Variants in BDP1 observed in about 807,000 individuals in gnomAD.
BDP1 encodes transcription factor TFIIIB component B'' homolog.
BDP1 carries 169 observed loss-of-function variants against 266.6 expected under a neutral mutation model. That is an observed-to-expected ratio of 0.63 (90% CI 0.56 to 0.72). The LOEUF is 0.72. Ranked by LOEUF, BDP1 falls within the 30% of genes least tolerant of loss-of-function variation. BDP1 has a pLI of 0.00. For missense variants in BDP1, 3,015 were observed against 3,053.8 expected, an observed-to-expected ratio of 0.99 and a Z score of 0.30; for synonymous variants, 1,090 against 1,022.4, an observed-to-expected ratio of 1.07 and a Z score of -1.26.
chr5:71,473,981 A>G (rs995433046), intron 7 of BDP1, among the ~76,000 whole-genome samples: 1 of 151,962 alleles, frequency 6.6e-6, no homozygotes, highest in Non-Finnish European at 1.5e-5. Context: ...ATTTAAAGCT[A>G]TACATTTCGT....
At chr5:71,522,981 T>TA in intron 24 of BDP1, 32 bp downstream of exon 24, 1 of 1,526,576 alleles carries the variant, frequency 6.6e-7, no homozygotes. Flanking sequence ...TGTTTCACAA[T>TA]AAGAAATAAA....
intron 3 of BDP1, 55 bp from the exon 4 acceptor site, chr5:71,464,003 T>C (rs1444490821): frequency 2.9e-6 from 3 of 1,027,142 alleles, no homozygotes; most frequent in South Asian, 1.6e-5. Flanking sequence ...ACAGATAGAA[T>C]TGGGAAGATA....
chr5:71,514,849 A>T, intron 19 of BDP1, 95 bp from the exon 20 acceptor site: 1 of 822,582 alleles, frequency 1.2e-6, no homozygotes, highest in Non-Finnish European at 1.9e-6. Flanking sequence ...CTACCCTATT[A>T]TTCTTCACGA....
intron 9 of BDP1, among the ~76,000 whole-genome samples, chr5:71,488,389 AGTACTGGGATTGCAGGT>A (rs1247353912): frequency 1.3e-5 from 2 of 150,630 alleles, no homozygotes; most frequent in Non-Finnish European, 2.9e-5. Flanking sequence ...GGCCTCCCAA[AGTACTGGGATTGCAGGT>A]GTGAGCCACC....
chr5:71,555,854 A>G (rs1489528147), intron 35 of BDP1, among the ~76,000 whole-genome samples: 1 of 152,154 alleles, frequency 6.6e-6, no homozygotes, highest in African/African-American at 2.4e-5. Context: ...TATGTTCTCA[A>G]ATTAATATGA....
At chr5:71,553,822 C>T (rs1344628147) in intron 35 of BDP1, among the ~76,000 whole-genome samples, 4 of 152,206 alleles carry the variant, frequency 2.6e-5, no homozygotes, top group Non-Finnish European at 5.9e-5. Context: ...GCTTCTGCCT[C>T]ACTTTCTGGC....
chr5:71,558,410 C>T lies in BDP1; in HGVS notation c.7240+1485C>T, dbSNP rs931671897. Among the ~76,000 whole-genome samples the T allele has an allele frequency of 1.3e-5, 2 of 151,760 alleles. 1 individual carries two copies. Among genetic ancestry groups the T allele is most frequent in the South Asian group, 4.2e-4 (2 of 4,804 alleles). On this transcript the variant is annotated intron_variant, in intron 36 of 38. Coordinates refer to ENST00000358731, the MANE Select transcript of BDP1 (RefSeq NM_018429.3). ...TGGTGGTGGGCGCCTGTAATCCTAGCTATTTGGGAGGCTGAGGCAGGAGAT... is the reference window on the plus strand; with the variant it reads ...TGGTGGTGGGCGCCTGTAATCCTAGTTATTTGGGAGGCTGAGGCAGGAGAT...
At chr5:71,472,888 C>CTTTTTTTT (rs57109617) in intron 7 of BDP1, among the ~76,000 whole-genome samples, 21 of 53,940 alleles carry the variant, frequency 3.9e-4, no homozygotes, top group Non-Finnish European at 5.9e-4. Flanking sequence ...CTCTCTCTCT[C>CTTTTTTTT]TTTTTTTTTT....
chr5:71,502,630 A>T lies in BDP1; in HGVS notation c.2080A>T (p.Ser694Cys). ...LGEKNCLQEGSQLKALRPVQV... is the reference protein window; with the variant it reads ...LGEKNCLQEGCQLKALRPVQV... ...TGAAAAAAATTGTCTGCAGGAAGGGAGTCAACTAAAGGCTTTAAGACCTGT... is the reference window on the plus strand; with the variant it reads ...TGAAAAAAATTGTCTGCAGGAAGGGTGTCAACTAAAGGCTTTAAGACCTGT... Residue 694 changes from serine (S) to cysteine (C), a missense_variant, in exon 15 of 39, where the codon AGT (serine) becomes TGT (cysteine). Around this residue, in one of 3 missense-constraint regions of BDP1, gnomAD observed 2,383 missense variants for 2,404.9 expected, o/e 0.99. Coordinates refer to ENST00000358731, the MANE Select transcript of BDP1 (RefSeq NM_018429.3). The T allele has an allele frequency of 6.2e-7, 1 of 1,606,682 alleles. No individual in the cohort carries two copies. Among genetic ancestry groups the T allele is most frequent in the Non-Finnish European group, 8.5e-7 (1 of 1,177,024 alleles).
intron 25 of BDP1, among the ~76,000 whole-genome samples, chr5:71,528,598 A>C (rs1274531255): frequency 6.6e-6 from 1 of 152,252 alleles, no homozygotes; most frequent in East Asian, 1.9e-4. Context: ...TAATTCCATT[A>C]AGAATTAACG....
intron 19 of BDP1, among the ~76,000 whole-genome samples, chr5:71,514,233 ATTC>A (rs1328738119): frequency 6.6e-6 from 1 of 152,230 alleles, no homozygotes; most frequent in Non-Finnish European, 1.5e-5. Flanking sequence ...TAGAATTAAA[ATTC>A]TTATTTGATG....
chr5:71,468,026 TTTA>T (rs1266927565), intron 6 of BDP1, among the ~76,000 whole-genome samples: 2 of 152,014 alleles, frequency 1.3e-5, no homozygotes, highest in Admixed American at 1.3e-4. Flanking sequence ...AAAAAATTTT[TTTA>T]TTTTTTGAGA....
At chr5:71,545,723 A>C (rs569592781) in intron 32 of BDP1, among the ~76,000 whole-genome samples, 3 of 152,292 alleles carry the variant, frequency 2.0e-5, no homozygotes, top group Non-Finnish European at 2.9e-5. Flanking sequence ...AAGTTCCCCA[A>C]GTGAGAGAAG....
At chr5:71,509,399 A>G (rs1764764077) in intron 16 of BDP1, 66 bp from the exon 17 acceptor site, 4 of 1,460,400 alleles carry the variant, frequency 2.7e-6, no homozygotes, top group Non-Finnish European at 1.8e-6. Context: ...TGATTTCTCA[A>G]ACATCATCTC....
chr5:71,468,075 A>C, intron 6 of BDP1, among the ~76,000 whole-genome samples: 1 of 152,022 alleles, frequency 6.6e-6, no homozygotes, highest in East Asian at 1.9e-4. Context: ...CTGAAGTACA[A>C]TGGCACGATC....
chr5:71,522,303 C>T lies in BDP1; in HGVS notation c.5006C>T (p.Pro1669Leu), dbSNP rs34529158. 26 of 1,611,798 alleles carry T rather than the reference C, an allele frequency of 1.6e-5. No individual in the cohort carries two copies. The highest frequency in any genetic ancestry group is 6.7e-5 in the Admixed American group (4 of 59,632). The part of the protein sequence containing the change: ...TNETIRHENK[P>L]YVPSSAQMTR... ...CTTCATTCTAGACATGAAAATAAAC[C>T]GTATGTTCCTAGTTCAGCACAAATG... The change falls in exon 23 of 39, where the codon CCG becomes CTG. Residue 1669 changes from proline (P) to leucine (L), a missense_variant. By Grantham distance (98) the Pro-to-Leu change is moderately conservative. Transcript: ENST00000358731.
intron 32 of BDP1, among the ~76,000 whole-genome samples, chr5:71,547,915 CACTGCACTCCAGCCTGGCG>C (rs1206130240): frequency 6.6e-6 from 1 of 151,760 alleles, no homozygotes; most frequent in Non-Finnish European, 1.5e-5. Flanking sequence ...GAGATTGTGC[CACTGCACTCCAGCCTGGCG>C]ACAGAGCGAG....
chr5:71,556,880 A>T lies in BDP1; in HGVS notation c.7201-6A>T. 1 of 1,374,126 alleles carries T rather than the reference A, an allele frequency of 7.3e-7. No individual in the cohort carries two copies. The highest frequency in any genetic ancestry group is 9.8e-7 in the Non-Finnish European group (1 of 1,019,386). The allele number at this position is 1,374,126 out of a possible 1,614,324, so 85.1% of individuals were successfully genotyped here. A position where few individuals can be genotyped will look rare whatever the true frequency, so the allele number is the denominator to read the frequency against. On this transcript the variant is annotated splice_polypyrimidine_tract_variant and splice_region_variant and intron_variant, in intron 35 of 38. Transcript: ENST00000358731. ...CTAAATTTTTTTTTAAATTTTCTTA[A>T]AATAGGTGCACTCAAAGGAATTAAC...
rs548232300 is a variant in BDP1, at chr5:71,510,844, A to G, written c.3752A>G (p.Glu1251Gly). 6.2e-7 allele frequency: 1 copy of G among 1,613,486 alleles called. No homozygotes were observed. The highest frequency in any genetic ancestry group is 8.5e-7 in the Non-Finnish European group (1 of 1,179,780). ...LAEFSAIREKEIDLKETGKRD... is the reference protein window; with the variant it reads ...LAEFSAIREKGIDLKETGKRD... ...GAGTTCAGTGCTATAAGGGAAAAGGAGATTGATTTGAAAGAAACTGGAAAA... is the reference window on the plus strand; with the variant it reads ...GAGTTCAGTGCTATAAGGGAAAAGGGGATTGATTTGAAAGAAACTGGAAAA... The change falls in exon 17 of 39, where the codon GAG becomes GGG. Residue 1251 changes from glutamate to glycine, a missense_variant. Physicochemically the swap from Glu to Gly is moderately conservative, Grantham distance 98. Around this residue, in one of 3 missense-constraint regions of BDP1, gnomAD observed 2,383 missense variants for 2,404.9 expected, o/e 0.99. Coordinates refer to ENST00000358731, the MANE Select transcript of BDP1 (RefSeq NM_018429.3).
Sources: allele counts gnomAD v4.1 joint callset (sites outside exome capture counted in the v4.1 genomes callset), GRCh38; gene constraint gnomAD v4.1.1; regional missense constraint gnomAD v4.1.1; transcripts MANE v1.5; gene names NCBI Gene and HGNC (gene_info 2026-07-23, HGNC 2026-07-21).